Variants in BTG4 observed in about 807,000 individuals in gnomAD.
BTG4 encodes protein BTG4.
A neutral mutation model predicts 19.3 loss-of-function variants in BTG4; 10 were observed. That is an observed-to-expected ratio of 0.52 (90% CI 0.32 to 0.88). The LOEUF (loss-of-function observed/expected upper bound fraction) is 0.88, where lower values mean the gene tolerates loss of function less well. BTG4 is among the 40% of genes least tolerant of loss of function. BTG4 has a pLI of 0.04. For missense variants in BTG4, 238 were observed against 281.9 expected (o/e 0.84, Z 1.11); for synonymous variants, 91 against 95.7 (o/e 0.95, Z 0.29).
chr11:111,391,034 A>T, the BTG4 span, among the ~76,000 whole-genome samples: 2 of 152,262 alleles, frequency 1.3e-5, no homozygotes, highest in African/African-American at 4.8e-5. Flanking sequence ...TTTCGTAACC[A>T]GCAAATTTGG....
chr11:111,496,743 A>G (rs547645712), intron 4 of BTG4: 1 of 158,464 alleles, frequency 6.3e-6, no homozygotes, highest in African/African-American at 2.4e-5. Flanking sequence ...GAAACTTTTT[A>G]AATGTAAATA....
chr11:111,392,467 G>A, the BTG4 span, among the ~76,000 whole-genome samples: 4 of 152,100 alleles, frequency 2.6e-5, no homozygotes, highest in Admixed American at 6.6e-5. Context: ...ATGAGCCACC[G>A]TGGCTGGCCT....
chr11:111,483,940 C>G (rs561972904), intron 5 of BTG4, among the ~76,000 whole-genome samples: 16 of 152,064 alleles, frequency 1.1e-4, no homozygotes, highest in Non-Finnish European at 2.2e-4. Flanking sequence ...TAATGAAACC[C>G]TTAAAGAACA....
At chr11:111,384,187 C>T in the BTG4 span, among the ~76,000 whole-genome samples, 615 of 152,186 alleles carry the variant, frequency 4.0e-3, 3 homozygotes, top group African/African-American at 0.014. Flanking sequence ...TATTTTTTCC[C>T]TTCCGATTCT....
In BTG4 at chr11:111,508,344, A is replaced by T. The variant is rs114508331; in HGVS notation, c.-27+3837T>A. ...ACATCTGGGGCTCCTTGAGCAGAATAATGAAATTGAAACTCCCTGGGCTTT... is the reference window on the plus strand; with the variant it reads ...ACATCTGGGGCTCCTTGAGCAGAATTATGAAATTGAAACTCCCTGGGCTTT... On this transcript the variant is annotated intron_variant, in intron 1 of 4. Transcript: ENST00000692032. 2.8e-3 allele frequency among the ~76,000 whole-genome samples: 411 copies of T among 147,528 alleles called. 1 individual carries two copies. Among genetic ancestry groups the T allele is most frequent in the African/African-American group, 9.4e-3 (386 of 41,240 alleles).
the BTG4 span, among the ~76,000 whole-genome samples, chr11:111,410,497 A>G: frequency 6.6e-6 from 1 of 152,184 alleles, no homozygotes; most frequent in Non-Finnish European, 1.5e-5. Context: ...AAATAAACAA[A>G]TTTACCTTAA....
At chr11:111,384,990 C>G in the BTG4 span, 2 of 151,726 alleles carry the variant, frequency 1.3e-5, no homozygotes, top group South Asian at 2.1e-4. Flanking sequence ...TCAATAGGGA[C>G]AAATAAACAT....
At chr11:111,441,067 G>A in the BTG4 span, among the ~76,000 whole-genome samples, 60 of 151,892 alleles carry the variant, frequency 4.0e-4, 1 homozygote, top group East Asian at 4.9e-3. Flanking sequence ...GGTTCCTGGA[G>A]TGAGGGCACA....
At chr11:111,436,707 G>A in the BTG4 span, among the ~76,000 whole-genome samples, 3 of 151,276 alleles carry the variant, frequency 2.0e-5, no homozygotes, top group Admixed American at 6.6e-5. Flanking sequence ...GGTGCAGACC[G>A]TACCTGACCT....
At chr11:111,440,475 G>C in the BTG4 span, among the ~76,000 whole-genome samples, 1 of 152,156 alleles carries the variant, frequency 6.6e-6, no homozygotes, top group East Asian at 1.9e-4. Flanking sequence ...GAACATCACA[G>C]TTACCAGCCT....
intron 5 of BTG4, among the ~76,000 whole-genome samples, chr11:111,483,339 C>T (rs1038363004): frequency 5.9e-5 from 9 of 152,148 alleles, no homozygotes; most frequent in Non-Finnish European, 1.3e-4. Flanking sequence ...TGGCCACAAG[C>T]ATCAACAACA....
At chr11:111,400,138 G>C in the BTG4 span, among the ~76,000 whole-genome samples, 1 of 152,102 alleles carries the variant, frequency 6.6e-6, no homozygotes, top group Non-Finnish European at 1.5e-5. Context: ...CCACTGACTG[G>C]CTGGGCAACC....
chr11:111,453,259 C>G, the BTG4 span: 239 of 275,420 alleles, frequency 8.7e-4, 5 homozygotes, highest in South Asian at 5.9e-3. Flanking sequence ...GGAAAAACGA[C>G]AGAGACCTAA....
At chr11:111,483,625 C>T (rs1326541032) in intron 5 of BTG4, among the ~76,000 whole-genome samples, 1 of 151,956 alleles carries the variant, frequency 6.6e-6, no homozygotes, top group Non-Finnish European at 1.5e-5. Context: ...AGCAAATTGA[C>T]CAAGCTGAAG....
chr11:111,453,769 C>A, the BTG4 span, among the ~76,000 whole-genome samples: 1 of 152,148 alleles, frequency 6.6e-6, no homozygotes, highest in African/African-American at 2.4e-5. Context: ...TAGGCATAGG[C>A]AATATAGAGC....
At chr11:111,497,634 A>G (rs1865816878) in intron 3 of BTG4, among the ~76,000 whole-genome samples, 2 of 152,202 alleles carry the variant, frequency 1.3e-5, no homozygotes, top group Non-Finnish European at 2.9e-5. Flanking sequence ...CTTTTGATTC[A>G]GTTAATGAAC....
At chr11:111,471,863 T>C (rs1005715328) in intron 5 of BTG4, among the ~76,000 whole-genome samples, 1 of 152,198 alleles carries the variant, frequency 6.6e-6, no homozygotes, top group African/African-American at 2.4e-5. Flanking sequence ...TCTCAACTGA[T>C]AGAAACTGTT....
At chr11:111,418,521 T>G in the BTG4 span, among the ~76,000 whole-genome samples, 4 of 152,244 alleles carry the variant, frequency 2.6e-5, no homozygotes, top group Non-Finnish European at 5.9e-5. Flanking sequence ...TCCTCATGTC[T>G]GTCTTCCGCA....
At chr11:111,496,835 C>T in intron 4 of BTG4, 1 of 248,532 alleles carries the variant, frequency 4.0e-6, no homozygotes, top group South Asian at 1.7e-4. Context: ...ATTTATAGGC[C>T]TTTGACCTTT....
Sources: allele counts gnomAD v4.1 joint callset (sites outside exome capture counted in the v4.1 genomes callset), GRCh38; gene constraint gnomAD v4.1.1; transcripts MANE v1.5; gene names NCBI Gene and HGNC (gene_info 2026-07-23, HGNC 2026-07-21).